SOX5: variants seen among roughly 807,000 people sequenced by gnomAD.
SOX5 encodes the protein transcription factor SOX-5.
SOX5 carries 9 observed loss-of-function variants against 92.0 expected under a neutral mutation model. The observed-to-expected ratio is 0.10, with a 90% CI of 0.06 to 0.17. The LOEUF (loss-of-function observed/expected upper bound fraction) is 0.17, where lower values mean the gene tolerates loss of function less well. SOX5 is among the 10% of genes least tolerant of loss of function. The pLI is 1.00. For synonymous variants in SOX5, 344 were observed against 336.3 expected (o/e 1.02, Z -0.25); for missense variants, 642 against 944.5 (o/e 0.68, Z 4.20).
chr12:24,366,042 T>C (rs1038133054), intron 2 of SOX5, among the ~76,000 whole-genome samples: 2 of 152,178 alleles, frequency 1.3e-5, no homozygotes, highest in Non-Finnish European at 2.9e-5. Context: ...TGGATGGCTA[T>C]GGGTATCAAT....
chr12:23,536,274 C>G (rs1402837854), intron 14 of SOX5, among the ~76,000 whole-genome samples, 179 bp downstream of exon 14: 6 of 152,176 alleles, frequency 3.9e-5, no homozygotes, highest in Non-Finnish European at 5.9e-5. Flanking sequence ...TAGGAACTTG[C>G]AGTGGATTCA....
At chr12:24,042,691 T>G (rs1199629116) in intron 4 of SOX5, among the ~76,000 whole-genome samples, 3 of 152,128 alleles carry the variant, frequency 2.0e-5, no homozygotes, top group Admixed American at 6.5e-5. Context: ...TTTAACTGTT[T>G]TGGTCAAGAT....
intron 4 of SOX5, among the ~76,000 whole-genome samples, chr12:24,029,772 C>A (rs188762934): frequency 7.3e-4 from 111 of 152,092 alleles, no homozygotes; most frequent in African/African-American, 2.4e-3. Context: ...GAAGCCCTAA[C>A]AAATTTCAAA....
intron 1 of SOX5, among the ~76,000 whole-genome samples, chr12:24,525,175 A>G (rs1950591942): frequency 6.6e-6 from 1 of 152,258 alleles, no homozygotes; most frequent in Non-Finnish European, 1.5e-5. Context: ...ATGAATAAAG[A>G]AAAAGTGATA....
intron 6 of SOX5, among the ~76,000 whole-genome samples, chr12:23,719,186 A>T (rs963966937): frequency 3.3e-5 from 5 of 152,192 alleles, no homozygotes; most frequent in Non-Finnish European, 5.9e-5. Context: ...ATATGCAAAA[A>T]TAAAATTATC....
intron 2 of SOX5, among the ~76,000 whole-genome samples, chr12:24,354,814 G>A (rs181134851): frequency 6.6e-6 from 1 of 152,254 alleles, no homozygotes; most frequent in Admixed American, 6.5e-5. Flanking sequence ...TCTAAAGGGC[G>A]GAGCAGTACA....
At chr12:23,821,649 C>A (rs2096119782) in intron 3 of SOX5, among the ~76,000 whole-genome samples, 1 of 152,098 alleles carries the variant, frequency 6.6e-6, no homozygotes, top group Non-Finnish European at 1.5e-5. Context: ...GTCATTGGTT[C>A]TATTTATGTG....
At chr12:23,972,498 C>G (rs1175393978) in intron 4 of SOX5, among the ~76,000 whole-genome samples, 1 of 150,966 alleles carries the variant, frequency 6.6e-6, no homozygotes, top group Non-Finnish European at 1.5e-5. Context: ...GCTGGGATTA[C>G]AGGCGCCCAC....
chr12:23,730,754 G>A (rs1030760740), intron 6 of SOX5, among the ~76,000 whole-genome samples: 1 of 152,098 alleles, frequency 6.6e-6, no homozygotes, highest in Non-Finnish European at 1.5e-5. Context: ...ATTTTCTCTA[G>A]AGTAGGTTTA....
At chr12:24,280,938 A>C (rs1051932971) in intron 2 of SOX5, among the ~76,000 whole-genome samples, 1 of 151,622 alleles carries the variant, frequency 6.6e-6, no homozygotes, top group Non-Finnish European at 1.5e-5. Context: ...CCCAGTACAA[A>C]TGCAAAGATA....
intron 4 of SOX5, among the ~76,000 whole-genome samples, chr12:24,200,601 C>A (rs761187086): frequency 9.2e-5 from 14 of 151,960 alleles, no homozygotes; most frequent in Admixed American, 5.2e-4. Flanking sequence ...AATGTCAAAG[C>A]TATATAGAAA....
chr12:24,346,341 A>G (rs1953241791), intron 2 of SOX5, among the ~76,000 whole-genome samples: 2 of 152,232 alleles, frequency 1.3e-5, no homozygotes, highest in Admixed American at 1.3e-4. Flanking sequence ...AAAATTTCCA[A>G]ACATATATGA....
intron 3 of SOX5, among the ~76,000 whole-genome samples, chr12:24,273,853 C>T (rs1944085170): frequency 6.6e-6 from 1 of 152,110 alleles, no homozygotes; most frequent in South Asian, 2.1e-4. Flanking sequence ...TATAGGCATT[C>T]TGTAATTGTT....
chr12:24,311,128 G>T lies in SOX5; in HGVS notation c.-173-33816C>A, dbSNP rs932978873. ...CATTCCAGACGGTCCTGCCCCATGGGGGGCCAGGAGGTAGAGGTGGGGAAT... is the reference window on the plus strand; with the variant it reads ...CATTCCAGACGGTCCTGCCCCATGGTGGGCCAGGAGGTAGAGGTGGGGAAT... On this transcript the variant is annotated intron_variant, in intron 2 of 4. Transcript: ENST00000446891. Among the ~76,000 whole-genome samples the T allele has an allele frequency of 4.6e-5, 7 of 152,284 alleles. No homozygotes were observed. In the East Asian group the frequency reaches 1.4e-3, roughly 29 times the overall value.
At chr12:24,211,730 G>A (rs1958636933) in intron 4 of SOX5, among the ~76,000 whole-genome samples, 1 of 152,208 alleles carries the variant, frequency 6.6e-6, no homozygotes, top group Non-Finnish European at 1.5e-5. Flanking sequence ...AATGTTCCAT[G>A]TGACAGAGGA....
At position 23,579,367 on chromosome 12, in the gene SOX5, TA is replaced by T. The variant is rs1340799671; in HGVS notation, c.1165-3530del. ...CTTCTCTTCCATTGTGTGACCAGGC[TA>T]ATGGTATATTAATAAGAACTCACAT... is the stretch of plus-strand genomic sequence containing the variant. On this transcript the variant is annotated intron_variant, in intron 9 of 14. Coordinates refer to ENST00000451604, the MANE Select transcript of SOX5 (RefSeq NM_006940.6). Among the ~76,000 whole-genome samples, 3 of 152,312 alleles carry T rather than the reference TA, an allele frequency of 2.0e-5. No homozygotes were observed. In the East Asian group the frequency reaches 5.8e-4, roughly 29 times the overall value.
chr12:24,289,606 A>G (rs1946377350), intron 2 of SOX5, among the ~76,000 whole-genome samples: 1 of 143,342 alleles, frequency 7.0e-6, no homozygotes, highest in Admixed American at 6.8e-5. Flanking sequence ...GGCGCCCGCC[A>G]CTACGCCCGG....
In SOX5 at chr12:23,718,763, T is replaced by C. The variant is rs1483676940; in HGVS notation, c.810+15921A>G. 7.2e-5 allele frequency among the ~76,000 whole-genome samples: 11 copies of C among 152,080 alleles called. No individual in the cohort carries two copies. In the East Asian group the frequency reaches 2.1e-3, roughly 29 times the overall value. Reference sequence around the variant, plus strand: ...AGTTTCAAAATGAAAGCAACCAAAGTGAGAGAAAGGAAAAGGAAAAGACTG... The same window carrying C: ...AGTTTCAAAATGAAAGCAACCAAAGCGAGAGAAAGGAAAAGGAAAAGACTG... On this transcript the variant is annotated intron_variant, in intron 6 of 14. Coordinates refer to ENST00000451604, the MANE Select transcript of SOX5 (RefSeq NM_006940.6).
rs1239924077 is a variant in SOX5, at chr12:24,558,451, T to G, written c.-251+3878A>C. ...ACAAGGAAATTGAATTTGGTAAAAT[T>G]TATTAAATAGTCCTACAGAAATGTC... On this transcript the variant is annotated intron_variant, in intron 1 of 4. Coordinates refer to the SOX5 transcript ENST00000446891. Among the ~76,000 whole-genome samples the G allele has an allele frequency of 3.9e-5, 6 of 152,142 alleles. No individual in the cohort carries two copies. The East Asian group carries it at 9.6e-4, about 24-fold the overall frequency.
Sources: gnomAD v4.1 joint callset for allele counts (sites outside exome capture counted in the v4.1 genomes callset) on GRCh38, gnomAD v4.1.1 for gene constraint, MANE v1.5 for transcripts, NCBI Gene and HGNC (gene_info 2026-07-23, HGNC 2026-07-21) for gene names.